Variants in ZSCAN5B observed in about 807,000 individuals in gnomAD.
ZSCAN5B encodes the protein zinc finger and SCAN domain-containing protein 5B.
A neutral mutation model predicts 25.2 loss-of-function variants in ZSCAN5B; 26 were observed. The observed-to-expected ratio is 1.03, with a 90% CI of 0.76 to 1.43. The LOEUF (loss-of-function observed/expected upper bound fraction) is 1.43, where lower values mean the gene tolerates loss of function less well. ZSCAN5B is among the 40% of genes most tolerant of loss of function. ZSCAN5B has a pLI of 0.00. For missense variants in ZSCAN5B, 745 were observed against 622.1 expected, an observed-to-expected ratio of 1.20 and a Z score of -2.10; for synonymous variants, 244 against 240.9, an observed-to-expected ratio of 1.01 and a Z score of -0.12.
chr19:56,196,929 G>A (rs1288351238), intron 1 of ZSCAN5B, among the ~76,000 whole-genome samples: 4 of 152,044 alleles, frequency 2.6e-5, no homozygotes, highest in Non-Finnish European at 4.4e-5. Context: ...TGCTTGAGCC[G>A]AGGAGTTCGA....
exon 3 of ZSCAN5B, chr19:56,191,913 C>G (rs376013075): frequency 3.0e-5 from 49 of 1,613,884 alleles, no homozygotes; most frequent in Non-Finnish European, 4.1e-5. Context: ...CCTGGCCTGT[C>G]CCCGGATGCA....
intron 2 of ZSCAN5B, 83 bp downstream of exon 2, chr19:56,192,586 T>G: frequency 6.6e-7 from 1 of 1,526,646 alleles, no homozygotes; most frequent in Non-Finnish European, 8.8e-7. Flanking sequence ...CAATATTAGC[T>G]GTGCTGATAT....
At position 56,190,157 on chromosome 19, in the gene ZSCAN5B, A is replaced by C. The variant is rs2032707043; in HGVS notation, c.1158T>G (p.Asp386Glu). ...GCTGCAAGAAGCGCTTCCGACAGAG[A>C]TCACATTGAAAGGGTCTGTCTCCTG... Residue 386 changes from aspartate (D) to glutamate (E), a missense_variant, in exon 5 of 5, where the codon GAT becomes GAG. Coordinates refer to ENST00000586855, the Ensembl canonical transcript of ZSCAN5B. 1.9e-6 allele frequency: 3 copies of C among 1,613,868 alleles called. No individual in the cohort carries two copies. The highest frequency in any genetic ancestry group is 1.7e-5 in the Admixed American group (1 of 59,992).
At chr19:56,190,347 G>A in exon 5 of ZSCAN5B, 1 of 1,614,172 alleles carries the variant, frequency 6.2e-7, no homozygotes, top group South Asian at 1.1e-5. Context: ...TTGTCCTGGG[G>A]ATTCTCTGTT....
chr19:56,192,303 G>A (rs2032747771), intron 2 of ZSCAN5B, among the ~76,000 whole-genome samples: 1 of 152,170 alleles, frequency 6.6e-6, no homozygotes, highest in African/African-American at 2.4e-5. Flanking sequence ...TATTCTGGGT[G>A]AATCCAACTC....
chr19:56,190,009 C>T (rs1163381663), exon 5 of ZSCAN5B: 2 of 1,613,970 alleles, frequency 1.2e-6, no homozygotes, highest in Admixed American at 1.7e-5. Flanking sequence ...AACGGCCTCT[C>T]CCCGGTGTGG....
rs202072685 is a variant in ZSCAN5B at position 56,196,359 on chromosome 19, CT to C, written c.-128+1374del. On this transcript the variant is annotated intron_variant, in intron 1 of 4. Coordinates refer to ENST00000586855, the Ensembl canonical transcript of ZSCAN5B. ...GAGCCACCGCACCTGGCCATTAAAA[CT>C]TTTTTTTAAAAAAATAAAAGAAATA... 8.3e-3 allele frequency among the ~76,000 whole-genome samples: 1,267 copies of C among 152,056 alleles called. 9 individuals are homozygous for C. The highest frequency in any genetic ancestry group is 0.015 in the Non-Finnish European group (992 of 67,994).
rs2032710109 is a variant in ZSCAN5B at position 56,190,268 on chromosome 19, GGCTTCTTGGCC to G, written c.1036_1046del (p.Gly346GlnfsTer9). On this transcript the variant is annotated frameshift_variant, in exon 5 of 5. Transcript: ENST00000586855. LOFTEE classifies it low-confidence loss of function (END_TRUNC). ...CACATGCAAAGGGCGGCAGGGCCTT[GGCTTCTTGGCC>G]ATCTGGGTGACTGACCGGGCCCGCA... 3 of 1,614,080 alleles carry G rather than the reference GGCTTCTTGGCC, an allele frequency of 1.9e-6. No individual in the cohort carries two copies. The highest frequency in any genetic ancestry group is 2.5e-6 in the Non-Finnish European group (3 of 1,180,050).
exon 5 of ZSCAN5B, chr19:56,189,979 T>G (rs200532865): frequency 1.2e-6 from 2 of 1,614,000 alleles, no homozygotes; most frequent in Non-Finnish European, 1.7e-6. Context: ...CTGAAAACTT[T>G]GCTGCAGTAT....
intron 2 of ZSCAN5B, 61 bp downstream of exon 2, chr19:56,192,608 G>T: frequency 6.5e-7 from 1 of 1,540,840 alleles, no homozygotes; most frequent in Non-Finnish European, 8.7e-7. Flanking sequence ...TGAGACTGGA[G>T]AATTCTTTGG....
intron 1 of ZSCAN5B, among the ~76,000 whole-genome samples, chr19:56,196,959 G>T (rs1054248411): frequency 4.6e-5 from 7 of 152,172 alleles, no homozygotes; most frequent in African/African-American, 1.7e-4. Context: ...GGGCAAAGCA[G>T]CGAGACCACG....
chr19:56,191,274 G>A (rs910419955), intron 3 of ZSCAN5B, among the ~76,000 whole-genome samples: 2 of 152,136 alleles, frequency 1.3e-5, no homozygotes, highest in Non-Finnish European at 2.9e-5. Flanking sequence ...ACTCTAGGTG[G>A]AGGCCCCTAA....
intron 1 of ZSCAN5B, 32 bp from the exon 2 acceptor site, chr19:56,193,211 T>A: frequency 1.1e-6 from 1 of 886,490 alleles, no homozygotes; most frequent in Non-Finnish European, 1.6e-6. Context: ...CCGATTATTT[T>A]AACTTTCTAC....
exon 5 of ZSCAN5B, chr19:56,189,797 G>T (rs1361331674): frequency 6.3e-7 from 1 of 1,580,936 alleles, no homozygotes; most frequent in Non-Finnish European, 8.6e-7. Context: ...ACTGTCTCTT[G>T]GGGTGGAGGA....
At position 56,190,817 on chromosome 19, in the gene ZSCAN5B, A is replaced by G. The variant is rs1450111738; in HGVS notation, c.739+20T>C. ...AGAAGAGAGGGACTAACCCCTGTGG[A>G]TCCAAGTCTTCATACTCACTGGGAC... On this transcript the variant is annotated intron_variant, in intron 4 of 4. Coordinates refer to ENST00000586855, the Ensembl canonical transcript of ZSCAN5B. 1 of 1,611,630 alleles carries G rather than the reference A, an allele frequency of 6.2e-7. No individual in the cohort carries two copies. The highest frequency in any genetic ancestry group is 8.5e-7 in the Non-Finnish European group (1 of 1,179,160).
chr19:56,192,622 C>T, intron 2 of ZSCAN5B, 47 bp downstream of exon 2: 4 of 1,549,678 alleles, frequency 2.6e-6, no homozygotes, highest in Non-Finnish European at 3.5e-6. Context: ...TCTTTGGCCC[C>T]CATCCCAGCT....
chr19:56,196,205 C>T (rs1388105103), intron 1 of ZSCAN5B, among the ~76,000 whole-genome samples: 1 of 152,066 alleles, frequency 6.6e-6, no homozygotes, highest in Non-Finnish European at 1.5e-5. Context: ...GCGTGAGCCA[C>T]CCCTCTCGGC....
rs577564170 is a variant in ZSCAN5B, at chr19:56,196,005, G to A, written c.-128+1729C>T. Among the ~76,000 whole-genome samples the A allele has an allele frequency of 1.4e-4, 21 of 152,224 alleles. No homozygotes were observed. The South Asian group carries it at 4.4e-3, about 32-fold the overall frequency. Reference sequence around the variant, plus strand: ...TTCCCAAAATTCTGGGATTACGTGTGAGCCACTATACCTGGCCTACTTAAA... The same window carrying A: ...TTCCCAAAATTCTGGGATTACGTGTAAGCCACTATACCTGGCCTACTTAAA... On this transcript the variant is annotated intron_variant, in intron 1 of 4. Coordinates refer to ENST00000586855, the Ensembl canonical transcript of ZSCAN5B.
chr19:56,192,974 C>T, exon 2 of ZSCAN5B: 2 of 1,610,062 alleles, frequency 1.2e-6, no homozygotes, highest in South Asian at 2.2e-5. Context: ...TCTGGGGACG[C>T]CACAGACCGT....
Sources: gnomAD v4.1 joint callset for allele counts (sites outside exome capture counted in the v4.1 genomes callset) on GRCh38, gnomAD v4.1.1 for gene constraint, MANE v1.5 for transcripts, NCBI Gene and HGNC (gene_info 2026-07-23, HGNC 2026-07-21) for gene names.